Variants in AGBL1 observed in about 807,000 individuals in gnomAD.
AGBL1 encodes the protein cytosolic carboxypeptidase 4.
A neutral mutation model predicts 118.9 loss-of-function variants in AGBL1; 130 were observed. That is an observed-to-expected ratio of 1.09 (90% CI 0.95 to 1.26). The LOEUF (loss-of-function observed/expected upper bound fraction) is 1.26. Ranked by LOEUF, AGBL1 falls within the 50% of genes most tolerant of loss-of-function variation. AGBL1 has a pLI of 0.00. For synonymous variants in AGBL1, 555 were observed against 478.9 expected, an observed-to-expected ratio of 1.16 and a Z score of -2.08; for missense variants, 1,584 against 1,298.1, an observed-to-expected ratio of 1.22 and a Z score of -3.38.
intron 24 of AGBL1, among the ~76,000 whole-genome samples, chr15:86,994,884 G>C (rs1484893048): frequency 3.3e-5 from 5 of 152,236 alleles, no homozygotes; most frequent in East Asian, 1.9e-4. Context: ...GATACTGTGG[G>C]GTGAAGTAAA....
At chr15:86,325,163 G>C (rs888741406) in intron 17 of AGBL1, among the ~76,000 whole-genome samples, 1 of 152,196 alleles carries the variant, frequency 6.6e-6, no homozygotes, top group African/African-American at 2.4e-5. Flanking sequence ...AGACTAGAGA[G>C]AGAGGCAAGG....
intron 22 of AGBL1, among the ~76,000 whole-genome samples, chr15:86,807,406 G>C (rs2078732235): frequency 6.6e-6 from 1 of 152,126 alleles, no homozygotes; most frequent in Non-Finnish European, 1.5e-5. Context: ...AACATAGTAG[G>C]AGCACCAAAA....
At chr15:86,812,612 A>G (rs892025392) in intron 22 of AGBL1, among the ~76,000 whole-genome samples, 4 of 152,158 alleles carry the variant, frequency 2.6e-5, no homozygotes, top group Non-Finnish European at 5.9e-5. Flanking sequence ...GCTTAAGTGG[A>G]TAGTTGGCCC....
chr15:87,024,303 A>G (rs569113615), intron 24 of AGBL1, among the ~76,000 whole-genome samples: 66 of 152,182 alleles, frequency 4.3e-4, no homozygotes, highest in African/African-American at 1.6e-3. Context: ...AGATATTACA[A>G]CTAACACCAC....
chr15:86,725,533 G>T (rs1017526220), intron 22 of AGBL1, among the ~76,000 whole-genome samples: 2 of 152,226 alleles, frequency 1.3e-5, no homozygotes, highest in East Asian at 3.8e-4. Context: ...TACCAATGTA[G>T]TATCAGCAGA....
At chr15:86,861,660 T>A (rs2079559984) in intron 22 of AGBL1, among the ~76,000 whole-genome samples, 1 of 152,218 alleles carries the variant, frequency 6.6e-6, no homozygotes, top group Non-Finnish European at 1.5e-5. Flanking sequence ...ATATATTAGG[T>A]ATTTAATATG....
intron 5 of AGBL1, among the ~76,000 whole-genome samples, chr15:86,188,014 C>T (rs189203951): frequency 1.1e-4 from 16 of 152,278 alleles, no homozygotes; most frequent in Admixed American, 2.6e-4. Context: ...ACAAGTACTT[C>T]TAAGATAATT....
At chr15:86,973,899 A>T (rs1427847480) in intron 23 of AGBL1, among the ~76,000 whole-genome samples, 1 of 144,504 alleles carries the variant, frequency 6.9e-6, no homozygotes, top group African/African-American at 2.5e-5. Flanking sequence ...ATACATATAT[A>T]TATTAAATAT....
At chr15:86,602,092 T>C (rs1289930479) in intron 21 of AGBL1, among the ~76,000 whole-genome samples, 1 of 152,162 alleles carries the variant, frequency 6.6e-6, no homozygotes, top group African/African-American at 2.4e-5. Flanking sequence ...CTTCCCTTTC[T>C]TCTTCCCTCT....
intron 21 of AGBL1, among the ~76,000 whole-genome samples, chr15:86,554,827 C>G (rs541047673): frequency 6.6e-6 from 1 of 152,284 alleles, no homozygotes; most frequent in East Asian, 1.9e-4. Context: ...TTTTACAGAA[C>G]CTCTGCTTGC....
At chr15:86,985,130 C>G (rs2081268991) in intron 23 of AGBL1, among the ~76,000 whole-genome samples, 1 of 150,806 alleles carries the variant, frequency 6.6e-6, no homozygotes, top group Non-Finnish European at 1.5e-5. Flanking sequence ...TTGTGTTTTT[C>G]CATTCTCTTA....
chr15:86,405,473 C>T (rs1394315451), intron 18 of AGBL1, among the ~76,000 whole-genome samples: 1 of 151,968 alleles, frequency 6.6e-6, no homozygotes, highest in African/African-American at 2.4e-5. Flanking sequence ...GCCAAGATCA[C>T]ACCAGCCTGG....
At chr15:86,472,569 A>G (rs1342824088) in intron 18 of AGBL1, among the ~76,000 whole-genome samples, 1 of 152,228 alleles carries the variant, frequency 6.6e-6, no homozygotes, top group Non-Finnish European at 1.5e-5. Flanking sequence ...ATCTGACTAT[A>G]AATATTGCAA....
At chr15:86,887,724 C>T (rs751431805) in intron 22 of AGBL1, among the ~76,000 whole-genome samples, 10 of 151,918 alleles carry the variant, frequency 6.6e-5, no homozygotes, top group East Asian at 1.9e-4. Context: ...TTCTTTTAGC[C>T]GCAGATCATA....
At chr15:86,639,485 A>C (rs1468885622) in intron 21 of AGBL1, among the ~76,000 whole-genome samples, 2 of 152,190 alleles carry the variant, frequency 1.3e-5, no homozygotes, top group African/African-American at 4.8e-5. Context: ...CAAATTATTT[A>C]CTACTGTTTC....
intron 22 of AGBL1, among the ~76,000 whole-genome samples, chr15:86,897,372 T>A (rs893700013): frequency 6.6e-6 from 1 of 152,182 alleles, no homozygotes; most frequent in African/African-American, 2.4e-5. Flanking sequence ...ATGCACCATT[T>A]TGAGCTACAA....
At chr15:86,511,742 G>T (rs1000536207) in intron 18 of AGBL1, among the ~76,000 whole-genome samples, 5 of 152,008 alleles carry the variant, frequency 3.3e-5, no homozygotes, top group African/African-American at 1.2e-4. Flanking sequence ...TGATGATGAT[G>T]ATTGAGATAA....
At chr15:86,471,633 A>G (rs758995946) in intron 18 of AGBL1, among the ~76,000 whole-genome samples, 4 of 151,976 alleles carry the variant, frequency 2.6e-5, no homozygotes, top group Non-Finnish European at 5.9e-5. Flanking sequence ...CACATTTCTA[A>G]TATTTGGTGA....
intron 4 of AGBL1, among the ~76,000 whole-genome samples, chr15:86,158,196 G>A (rs1427376726): frequency 1.3e-5 from 2 of 152,118 alleles, no homozygotes; most frequent in African/African-American, 4.8e-5. Context: ...CTCTGCAATA[G>A]CAAAGACATC....
Sources: allele counts gnomAD v4.1 joint callset (sites outside exome capture counted in the v4.1 genomes callset), GRCh38; gene constraint gnomAD v4.1.1; transcripts MANE v1.5; gene names NCBI Gene and HGNC (gene_info 2026-07-23, HGNC 2026-07-21).